Variants in CUBN observed in about 807,000 individuals in gnomAD.
The protein encoded by CUBN is 460 kDa receptor.
CUBN carries 282 observed loss-of-function variants against 405.3 expected under a neutral mutation model. The ratio of observed to expected loss-of-function variants is 0.70; its 90% CI spans 0.63 to 0.77. The LOEUF is 0.77. CUBN is among the 30% of genes least tolerant of loss of function. The probability of loss-of-function intolerance (pLI) is 0.00; values close to 1 mark genes in which losing one functional copy is unlikely to be tolerated. For synonymous variants in CUBN, 1,684 were observed against 1,617.0 expected, an observed-to-expected ratio of 1.04 and a Z score of -0.99; for missense variants, 4,514 against 4,475.2, an observed-to-expected ratio of 1.01 and a Z score of -0.25.
At chr10:16,926,833 ATCTATCTATCTAG>A (rs1842204542) in intron 41 of CUBN, among the ~76,000 whole-genome samples, 12 of 151,800 alleles carry the variant, frequency 7.9e-5, no homozygotes, top group Admixed American at 1.3e-4. Context: ...CTATCTATCT[ATCTATCTATCTAG>A]TCTAATTGGG....
At chr10:16,866,460 T>G (rs1166458409) in intron 59 of CUBN, among the ~76,000 whole-genome samples, 1 of 152,190 alleles carries the variant, frequency 6.6e-6, no homozygotes, top group Non-Finnish European at 1.5e-5. Flanking sequence ...GCAACTAAAC[T>G]AGCAGAAGTT....
intron 59 of CUBN, among the ~76,000 whole-genome samples, chr10:16,854,131 G>C (rs1038293552): frequency 6.6e-6 from 1 of 152,130 alleles, no homozygotes; most frequent in African/African-American, 2.4e-5. Context: ...ATTTGGATCT[G>C]GGTCTTGAAG....
chr10:16,855,188 C>T (rs1053482276), intron 59 of CUBN, among the ~76,000 whole-genome samples: 1 of 150,884 alleles, frequency 6.6e-6, no homozygotes, highest in African/African-American at 2.4e-5. Context: ...CAAGCAAATC[C>T]TTCCACCTCA....
chr10:17,049,179 C>T (rs745377007), intron 22 of CUBN, among the ~76,000 whole-genome samples: 22 of 152,026 alleles, frequency 1.4e-4, no homozygotes, highest in Non-Finnish European at 2.4e-4. Flanking sequence ...ATAAAGAGAG[C>T]GGGGAGGAGT....
chr10:17,043,842 C>G lies in CUBN; in HGVS notation c.3814G>C (p.Ala1272Pro). The change falls in exon 26 of 67, where the codon GCT becomes CCT. Residue 1272 changes from alanine to proline, a missense_variant. Physicochemically the swap from Ala to Pro is conservative, Grantham distance 27. Transcript: ENST00000377833. Reference protein sequence around the residue: ...DEGQQGRGFKAEYRQTCENVV... With the variant: ...DEGQQGRGFKPEYRQTCENVV... ...TCACACTTACTCTGCCGGTATTCAG[C>G]CTTGAAGCCACGTCCTTGCTGACCT... is the stretch of plus-strand genomic sequence containing the variant. The G allele has an allele frequency of 6.2e-7, 1 of 1,613,248 alleles. No individual in the cohort carries two copies. Among genetic ancestry groups the G allele is most frequent in the Non-Finnish European group, 8.5e-7 (1 of 1,179,444 alleles).
At chr10:17,014,546 C>T (rs1020823041) in intron 28 of CUBN, among the ~76,000 whole-genome samples, 9 of 152,118 alleles carry the variant, frequency 5.9e-5, no homozygotes, top group Non-Finnish European at 1.0e-4. Flanking sequence ...AGGCTGCTTT[C>T]GTTCCTTGCT....
At chr10:16,957,986 A>T (rs1843118672) in intron 31 of CUBN, among the ~76,000 whole-genome samples, 1 of 152,062 alleles carries the variant, frequency 6.6e-6, no homozygotes, top group Non-Finnish European at 1.5e-5. Flanking sequence ...TTTTCTCCGA[A>T]ATTCAAAGGT....
Position 16,900,671 on chromosome 10 carries a change from T to G in CUBN, c.8364A>C (p.Ser2788=). 1 of 1,614,198 alleles carries G rather than the reference T, an allele frequency of 6.2e-7. No homozygotes were observed. Among genetic ancestry groups the G allele is most frequent in the Non-Finnish European group, 8.5e-7 (1 of 1,180,012 alleles). ...TAGCATAAAATCCACCACCTTGCAATGAATGGTCTGAGTTAAAAGTCACGA... is the reference window on the plus strand; with the variant it reads ...TAGCATAAAATCCACCACCTTGCAAGGAATGGTCTGAGTTAAAAGTCACGA... ...QLVVTFNSDH[S]LQGGGFYATW... is the part of the protein sequence containing the mutation. The change falls in exon 53 of 67, where the codon TCA becomes TCC. Residue 2788 remains serine (S), a synonymous_variant. Transcript: ENST00000377833.
At chr10:16,906,559 G>A in intron 49 of CUBN, 150 bp from the exon 50 acceptor site, 1 of 660,830 alleles carries the variant, frequency 1.5e-6, no homozygotes, top group Non-Finnish European at 2.7e-6. Flanking sequence ...TAAAAGGCAT[G>A]CAAATTATGG....
chr10:16,947,621 G>C (rs117276197), intron 35 of CUBN, among the ~76,000 whole-genome samples: 3 of 152,082 alleles, frequency 2.0e-5, no homozygotes, highest in Non-Finnish European at 4.4e-5. Flanking sequence ...TCCTGTGAAC[G>C]GTAACTTTGA....
chr10:16,851,982 A>G (rs1454308274), intron 59 of CUBN, among the ~76,000 whole-genome samples: 2 of 32,354 alleles, frequency 6.2e-5, no homozygotes, highest in Admixed American at 4.4e-4. Flanking sequence ...CCCTCCCTCT[A>G]TCTTTCCCTC....
At chr10:16,977,349 C>G (rs570324128) in intron 31 of CUBN, among the ~76,000 whole-genome samples, 1 of 152,086 alleles carries the variant, frequency 6.6e-6, no homozygotes, top group East Asian at 1.9e-4. Context: ...AGTAGACAAG[C>G]AGATGAGCAG....
chr10:17,014,633 G>A (rs1007643668), intron 28 of CUBN, among the ~76,000 whole-genome samples: 3 of 152,222 alleles, frequency 2.0e-5, no homozygotes, highest in African/African-American at 7.2e-5. Context: ...CTTCGACCTA[G>A]ATGCCTTGTA....
At chr10:16,847,892 TA>T (rs35421691) in intron 60 of CUBN, among the ~76,000 whole-genome samples, 33,762 of 151,672 alleles carry the variant, frequency 0.22, 4,142 homozygotes, top group East Asian at 0.5. Flanking sequence ...TTATAATCTC[TA>T]AAAAAAAATC....
chr10:16,881,016 C>T (rs1840653841), intron 56 of CUBN, among the ~76,000 whole-genome samples: 1 of 152,050 alleles, frequency 6.6e-6, no homozygotes. Flanking sequence ...TTAGTTATAA[C>T]CTCAGTATTT....
chr10:16,892,049 A>C (rs1841038522), intron 54 of CUBN, among the ~76,000 whole-genome samples: 1 of 152,172 alleles, frequency 6.6e-6, no homozygotes, highest in Non-Finnish European at 1.5e-5. Flanking sequence ...GATATTCCTC[A>C]CCCACAGCAA....
At chr10:17,019,180 C>T (rs1834426312) in intron 28 of CUBN, among the ~76,000 whole-genome samples, 1 of 152,146 alleles carries the variant, frequency 6.6e-6, no homozygotes, top group East Asian at 1.9e-4. Flanking sequence ...ATTGGCCCAC[C>T]TGAGATTTGA....
At chr10:16,897,712 G>T (rs1044620763) in intron 54 of CUBN, among the ~76,000 whole-genome samples, 1 of 152,164 alleles carries the variant, frequency 6.6e-6, no homozygotes, top group Admixed American at 6.5e-5. Flanking sequence ...CCGAAGCTGG[G>T]TCCCTTTACT....
At chr10:17,045,577 T>C (rs1159778455) in intron 24 of CUBN, among the ~76,000 whole-genome samples, 1 of 151,876 alleles carries the variant, frequency 6.6e-6, no homozygotes, top group Non-Finnish European at 1.5e-5. Context: ...CTATGTTTAG[T>C]AGAGACTATG....
Sources: gnomAD v4.1 joint callset for allele counts (sites outside exome capture counted in the v4.1 genomes callset) on GRCh38, gnomAD v4.1.1 for gene constraint, MANE v1.5 for transcripts, NCBI Gene and HGNC (gene_info 2026-07-23, HGNC 2026-07-21) for gene names.